Variants in ZFYVE9 observed in about 807,000 individuals in gnomAD.
The protein encoded by ZFYVE9 is zinc finger FYVE-type containing 9.
In ZFYVE9, 43 loss-of-function variants were observed where a neutral mutation model predicts 126.7. That is an observed-to-expected ratio of 0.34 (90% CI 0.27 to 0.44). ZFYVE9 has a LOEUF of 0.44. Among genes scored for constraint, ZFYVE9 ranks in the 20% least tolerant of loss-of-function variants. The probability of loss-of-function intolerance (pLI) is 1.00; values close to 1 mark genes in which losing one functional copy is unlikely to be tolerated. For synonymous variants in ZFYVE9, 521 were observed against 597.4 expected, an observed-to-expected ratio of 0.87 and a Z score of 1.87; for missense variants, 1,476 against 1,697.0, an observed-to-expected ratio of 0.87 and a Z score of 2.29.
At chr1:52,323,162 G>A (rs1646257800) in intron 13 of ZFYVE9, among the ~76,000 whole-genome samples, 1 of 152,154 alleles carries the variant, frequency 6.6e-6, no homozygotes, top group South Asian at 2.1e-4. Context: ...TGGCCACACT[G>A]TCCTCAGTGT....
chr1:52,306,329 T>C (rs565321164), intron 13 of ZFYVE9, among the ~76,000 whole-genome samples: 1 of 152,256 alleles, frequency 6.6e-6, no homozygotes, highest in South Asian at 2.1e-4. Context: ...GACGCTGAGA[T>C]GACCAGCTGT....
intron 1 of ZFYVE9, among the ~76,000 whole-genome samples, chr1:52,185,124 A>G (rs1644753181): frequency 6.6e-6 from 1 of 152,188 alleles, no homozygotes. Flanking sequence ...CCCACTTGCT[A>G]ACACTCATCC....
chr1:52,309,322 C>CA (rs1284710312), intron 13 of ZFYVE9, among the ~76,000 whole-genome samples: 2 of 151,996 alleles, frequency 1.3e-5, no homozygotes, highest in African/African-American at 4.8e-5. Flanking sequence ...ACAAAAAATA[C>CA]AAAAAATTAG....
intron 13 of ZFYVE9, among the ~76,000 whole-genome samples, chr1:52,329,424 G>C (rs971964926): frequency 3.3e-5 from 5 of 151,996 alleles, no homozygotes; most frequent in Non-Finnish European, 5.9e-5. Flanking sequence ...CGTGACCTTG[G>C]ATTTGGCATT....
chr1:52,291,815 T>C (rs1569686234), intron 10 of ZFYVE9, among the ~76,000 whole-genome samples: 1 of 148,268 alleles, frequency 6.7e-6, no homozygotes, highest in Non-Finnish European at 1.5e-5. Flanking sequence ...GAAGGAGAGG[T>C]TGCAGTGAGC....
chr1:52,216,967 T>C (rs549044242), intron 2 of ZFYVE9, among the ~76,000 whole-genome samples: 1 of 152,334 alleles, frequency 6.6e-6, no homozygotes, highest in Non-Finnish European at 1.5e-5. Flanking sequence ...CTAGGAGTCA[T>C]GTTGTTTTTT....
chr1:52,181,925 G>A (rs879513770), intron 1 of ZFYVE9, among the ~76,000 whole-genome samples: 2 of 151,844 alleles, frequency 1.3e-5, no homozygotes, highest in African/African-American at 2.4e-5. Flanking sequence ...GTCTCCGCCC[G>A]GCAGCCACCC....
intron 1 of ZFYVE9, among the ~76,000 whole-genome samples, chr1:52,173,267 T>G (rs1644590751): frequency 6.6e-6 from 1 of 152,172 alleles, no homozygotes; most frequent in Non-Finnish European, 1.5e-5. Context: ...AATCATGTGG[T>G]TTTTGTCTTT....
chr1:52,301,098 G>T (rs1646029155), intron 12 of ZFYVE9, among the ~76,000 whole-genome samples: 1 of 151,664 alleles, frequency 6.6e-6, no homozygotes, highest in Non-Finnish European at 1.5e-5. Context: ...GACCTCAAGG[G>T]ATCCTCCTGC....
At chr1:52,288,977 A>AAT (rs1645891766) in intron 10 of ZFYVE9, among the ~76,000 whole-genome samples, 1 of 151,830 alleles carries the variant, frequency 6.6e-6, no homozygotes, top group Admixed American at 6.6e-5. Flanking sequence ...TCTTGAAATG[A>AAT]ATGAACCATT....
At chr1:52,177,983 G>T (rs1284508421) in intron 1 of ZFYVE9, among the ~76,000 whole-genome samples, 1 of 146,386 alleles carries the variant, frequency 6.8e-6, no homozygotes, top group Non-Finnish European at 1.5e-5. Context: ...AACCAATGAA[G>T]AATTTAAAAT....
chr1:52,178,286 A>G (rs1644659574), intron 1 of ZFYVE9, among the ~76,000 whole-genome samples: 1 of 149,582 alleles, frequency 6.7e-6, no homozygotes, highest in Non-Finnish European at 1.5e-5. Context: ...CTCAAAAAAA[A>G]AAAAAAAAAA....
At chr1:52,340,018 G>C in intron 16 of ZFYVE9, 108 bp from the exon 17 acceptor site, 1 of 827,944 alleles carries the variant, frequency 1.2e-6, no homozygotes, top group South Asian at 1.4e-5. Flanking sequence ...GTGTTCAGCA[G>C]GGTACCCAGT....
At chr1:52,184,393 AT>A (rs57242903) in intron 1 of ZFYVE9, among the ~76,000 whole-genome samples, 1,941 of 115,050 alleles carry the variant, frequency 0.017, 37 homozygotes, top group African/African-American at 0.058. Context: ...AGTCCAGCTA[AT>A]TTTTTTTTTT....
At chr1:52,278,020 A>G (rs1252105183) in intron 8 of ZFYVE9, among the ~76,000 whole-genome samples, 1 of 152,182 alleles carries the variant, frequency 6.6e-6, no homozygotes, top group East Asian at 1.9e-4. Context: ...AATTGTCAAA[A>G]ATGTCAAACA....
In ZFYVE9 at chr1:52,346,341, TAGGG is replaced by T; in HGVS notation, c.*121_*124del. 12 of 948,086 alleles carry T rather than the reference TAGGG, an allele frequency of 1.3e-5. No individual in the cohort carries two copies. The highest frequency in any genetic ancestry group is 2.5e-4 in the Middle Eastern group (1 of 4,050). The allele number at this position is 948,086 out of a possible 1,614,324, so 58.7% of individuals were successfully genotyped here. A position where few individuals can be genotyped will look rare whatever the true frequency, so the allele number is the denominator to read the frequency against. On this transcript the variant is annotated 3_prime_UTR_variant, in exon 19 of 19. Transcript: ENST00000287727. The stretch of plus-strand genomic sequence containing the variant: ...TTAACACTATTAATGGGGTGGGGAA[TAGGG>T]TGGGAGTGGGGGTTTGGGAGACGGG...
At chr1:52,329,798 G>A (rs192395834) in intron 13 of ZFYVE9, among the ~76,000 whole-genome samples, 15 of 152,046 alleles carry the variant, frequency 9.9e-5, no homozygotes, top group African/African-American at 2.9e-4. Flanking sequence ...CCAGCTACTC[G>A]GGAGGCTGAG....
intron 1 of ZFYVE9, among the ~76,000 whole-genome samples, chr1:52,205,467 G>A (rs1363161937): frequency 3.3e-5 from 5 of 151,888 alleles, no homozygotes; most frequent in African/African-American, 7.3e-5. Flanking sequence ...GGGCTCAAGC[G>A]ATCCTTCTGT....
intron 13 of ZFYVE9, among the ~76,000 whole-genome samples, chr1:52,320,196 G>A (rs761962598): frequency 2.0e-5 from 3 of 151,324 alleles, no homozygotes; most frequent in East Asian, 2.0e-4. Flanking sequence ...TCATCCTCCC[G>A]AGTACCTGGG....
Sources: gnomAD v4.1 joint callset for allele counts (sites outside exome capture counted in the v4.1 genomes callset) on GRCh38, gnomAD v4.1.1 for gene constraint, MANE v1.5 for transcripts, NCBI Gene and HGNC (gene_info 2026-07-23, HGNC 2026-07-21) for gene names.